CPQ: variants seen among roughly 807,000 people sequenced by gnomAD.
CPQ encodes Ser-Met dipeptidase.
Under a neutral mutation model 45.7 loss-of-function variants are expected in CPQ, and 37 were observed. The ratio of observed to expected loss-of-function variants is 0.81; its 90% CI spans 0.62 to 1.07. The LOEUF (loss-of-function observed/expected upper bound fraction) is 1.07. Ranked by LOEUF, CPQ falls within the 50% of genes least tolerant of loss-of-function variation. The pLI is 0.00. For missense variants in CPQ, 537 were observed against 572.9 expected (o/e 0.94, Z 0.64); for synonymous variants, 186 against 205.8 (o/e 0.90, Z 0.82).
At chr8:97,087,955 T>G (rs1316383591) in intron 7 of CPQ, among the ~76,000 whole-genome samples, 1 of 152,178 alleles carries the variant, frequency 6.6e-6, no homozygotes, top group Admixed American at 6.5e-5. Flanking sequence ...GTATCCAATA[T>G]TATATGATAA....
At chr8:97,124,104 T>C (rs566960154) in intron 7 of CPQ, among the ~76,000 whole-genome samples, 1 of 151,428 alleles carries the variant, frequency 6.6e-6, no homozygotes, top group East Asian at 1.9e-4. Context: ...TGGACACCTG[T>C]AATCCCAGCT....
chr8:96,825,028 A>G (rs1323752850), intron 2 of CPQ, among the ~76,000 whole-genome samples: 1 of 151,884 alleles, frequency 6.6e-6, no homozygotes, highest in East Asian at 1.9e-4. Context: ...TTTTTATTCT[A>G]TTTGGGAACT....
intron 4 of CPQ, among the ~76,000 whole-genome samples, chr8:96,901,647 CAG>C: frequency 6.6e-6 from 1 of 152,304 alleles, no homozygotes; most frequent in South Asian, 2.1e-4. Flanking sequence ...CCCTCAAAAG[CAG>C]AGTGTGAAAC....
At chr8:96,957,465 G>A (rs1813374792) in intron 4 of CPQ, among the ~76,000 whole-genome samples, 1 of 152,116 alleles carries the variant, frequency 6.6e-6, no homozygotes, top group African/African-American at 2.4e-5. Flanking sequence ...TATAATGAAA[G>A]ATTGATGATA....
chr8:96,718,124 C>A (rs1809708976), intron 1 of CPQ, among the ~76,000 whole-genome samples: 1 of 152,200 alleles, frequency 6.6e-6, no homozygotes, highest in Admixed American at 6.5e-5. Context: ...TGCTTCTGTG[C>A]TTGTGGCTTC....
chr8:96,924,229 C>G (rs1812844570), intron 4 of CPQ, among the ~76,000 whole-genome samples: 1 of 152,106 alleles, frequency 6.6e-6, no homozygotes, highest in Admixed American at 6.5e-5. Context: ...TTACCACCCC[C>G]AACTGCCTTA....
At chr8:97,028,972 T>G (rs1171471684) in intron 5 of CPQ, among the ~76,000 whole-genome samples, 1 of 152,190 alleles carries the variant, frequency 6.6e-6, no homozygotes, top group Non-Finnish European at 1.5e-5. Flanking sequence ...TAAAAAGTAA[T>G]CTACATGGCT....
At chr8:96,777,927 AC>A (rs1279243983) in intron 1 of CPQ, among the ~76,000 whole-genome samples, 1 of 150,408 alleles carries the variant, frequency 6.6e-6, no homozygotes, top group African/African-American at 2.4e-5. Context: ...ACAGGGTTTC[AC>A]CGTGTTAGCC....
chr8:96,730,862 CATACATAT>C (rs1379515790), intron 1 of CPQ, among the ~76,000 whole-genome samples: 21 of 29,384 alleles, frequency 7.1e-4, no homozygotes, highest in African/African-American at 2.0e-3. Flanking sequence ...ATTAACCATA[CATACATAT>C]ATATATATAT....
chr8:96,969,512 G>A (rs1301048543), intron 5 of CPQ, among the ~76,000 whole-genome samples: 2 of 152,296 alleles, frequency 1.3e-5, no homozygotes, highest in African/African-American at 4.8e-5. Flanking sequence ...AACATGGCTT[G>A]GCTGGGTCAG....
intron 2 of CPQ, among the ~76,000 whole-genome samples, chr8:96,821,676 A>G (rs561758468): frequency 4.6e-4 from 70 of 152,078 alleles, no homozygotes; most frequent in Non-Finnish European, 7.7e-4. Flanking sequence ...GAACTTCTTG[A>G]AGACCCCTCC....
At chr8:97,031,440 C>G (rs1809906572) in intron 6 of CPQ, among the ~76,000 whole-genome samples, 2 of 152,126 alleles carry the variant, frequency 1.3e-5, no homozygotes, top group Admixed American at 6.5e-5. Context: ...CCCGCCTCGG[C>G]CTCCCAAAGT....
intron 4 of CPQ, among the ~76,000 whole-genome samples, chr8:96,937,489 G>A (rs576960741): frequency 1.3e-5 from 2 of 152,260 alleles, no homozygotes; most frequent in South Asian, 2.1e-4. Flanking sequence ...ATCAAGAAAC[G>A]CCTCCAGGCC....
intron 6 of CPQ, among the ~76,000 whole-genome samples, chr8:97,034,224 A>G (rs1809958559): frequency 1.3e-5 from 2 of 152,348 alleles, no homozygotes; most frequent in South Asian, 2.1e-4. Context: ...AGTAGCAGTT[A>G]CTAAGTAAAT....
At chr8:97,091,863 G>A (rs557819739) in intron 7 of CPQ, among the ~76,000 whole-genome samples, 28 of 151,978 alleles carry the variant, frequency 1.8e-4, no homozygotes, top group African/African-American at 6.7e-4. Context: ...TAGATGGATG[G>A]ATGGATGGAT....
At chr8:96,673,006 G>A (rs1041802247) in intron 1 of CPQ, among the ~76,000 whole-genome samples, 6 of 151,906 alleles carry the variant, frequency 3.9e-5, no homozygotes, top group African/African-American at 1.5e-4. Context: ...AGTGTGCCAG[G>A]CAGAAGGAAC....
At chr8:96,726,803 C>T (rs1586375276) in intron 1 of CPQ, among the ~76,000 whole-genome samples, 1 of 152,122 alleles carries the variant, frequency 6.6e-6, no homozygotes, top group Non-Finnish European at 1.5e-5. Flanking sequence ...GAAAGGGAGA[C>T]CTGAGCAAAC....
At chr8:96,687,795 G>GT (rs1446289390) in intron 1 of CPQ, among the ~76,000 whole-genome samples, 3 of 151,884 alleles carry the variant, frequency 2.0e-5, no homozygotes, top group African/African-American at 4.8e-5. Flanking sequence ...CATTTTCTGG[G>GT]TTTGTTATTT....
At chr8:96,905,145 C>T (rs1467679511) in intron 4 of CPQ, among the ~76,000 whole-genome samples, 8 of 152,004 alleles carry the variant, frequency 5.3e-5, no homozygotes, top group Non-Finnish European at 1.5e-5. Flanking sequence ...CAAGGCACAT[C>T]TTACATGGTG....
Sources: gnomAD v4.1 joint callset for allele counts (sites outside exome capture counted in the v4.1 genomes callset) on GRCh38, gnomAD v4.1.1 for gene constraint, MANE v1.5 for transcripts, NCBI Gene and HGNC (gene_info 2026-07-23, HGNC 2026-07-21) for gene names.